Variants in ACTR3C observed in about 807,000 individuals in gnomAD.
The protein encoded by ACTR3C is actin related protein 3C.
In ACTR3C, 18 loss-of-function variants were observed where a neutral mutation model predicts 26.3. That is an observed-to-expected ratio of 0.68 (90% confidence interval 0.47 to 1.01). The LOEUF (loss-of-function observed/expected upper bound fraction) is 1.01, where lower values mean the gene tolerates loss of function less well. Ranked by LOEUF, ACTR3C falls within the 50% of genes least tolerant of loss-of-function variation. ACTR3C has a pLI of 0.00. For synonymous variants in ACTR3C, 55 were observed against 94.5 expected (o/e 0.58, Z 2.42); for missense variants, 184 against 250.7 (o/e 0.73, Z 1.80).
chr7:149,956,494 A>G, the ACTR3C span, among the ~76,000 whole-genome samples: 6 of 152,236 alleles, frequency 3.9e-5, no homozygotes, highest in African/African-American at 1.2e-4. Flanking sequence ...AGTGGCATGA[A>G]CTATACTATA....
At chr7:150,048,300 T>G in the ACTR3C span, among the ~76,000 whole-genome samples, 410 of 142,554 alleles carry the variant, frequency 2.9e-3, 3 homozygotes, top group African/African-American at 0.01. Flanking sequence ...CCCAGGCCCC[T>G]CGCGCAGCTC....
At chr7:149,989,520 A>G in the ACTR3C span, among the ~76,000 whole-genome samples, 1 of 152,342 alleles carries the variant, frequency 6.6e-6, no homozygotes, top group Admixed American at 6.5e-5. Context: ...CACAAGTGAC[A>G]TAATGTGGTA....
chr7:150,204,629 A>C, the ACTR3C span, among the ~76,000 whole-genome samples: 2 of 152,206 alleles, frequency 1.3e-5, no homozygotes, highest in Non-Finnish European at 2.9e-5. Context: ...CCTTTCTCTC[A>C]TCTCTCCTCC....
chr7:150,076,398 T>A, the ACTR3C span, among the ~76,000 whole-genome samples: 3 of 152,228 alleles, frequency 2.0e-5, no homozygotes, highest in African/African-American at 4.8e-5. Flanking sequence ...ATATATCTAC[T>A]GATCAGATTA....
the ACTR3C span, among the ~76,000 whole-genome samples, chr7:150,012,312 T>G: frequency 0.99 from 143,357 of 145,414 alleles, 70,701 homozygotes; most frequent in East Asian, 1. Flanking sequence ...GTTTTATAAA[T>G]GCATCTTTTT....
At chr7:150,215,839 T>C in the ACTR3C span, among the ~76,000 whole-genome samples, 7 of 152,116 alleles carry the variant, frequency 4.6e-5, no homozygotes, top group African/African-American at 9.7e-5. Flanking sequence ...ATCTGTTATA[T>C]TGATCCTAAT....
At chr7:149,946,039 T>TG in the ACTR3C span, among the ~76,000 whole-genome samples, 5 of 152,154 alleles carry the variant, frequency 3.3e-5, no homozygotes, top group South Asian at 6.2e-4. Flanking sequence ...GAGTGAATCA[T>TG]GGGGGGGAAA....
At chr7:149,905,497 TAAAAGA>T in the ACTR3C span, among the ~76,000 whole-genome samples, 1 of 149,392 alleles carries the variant, frequency 6.7e-6, no homozygotes, top group Non-Finnish European at 1.5e-5. Flanking sequence ...AAACAAATTA[TAAAAGA>T]AAAAGACTGA....
the ACTR3C span, among the ~76,000 whole-genome samples, chr7:150,038,580 G>T: frequency 7.6e-5 from 11 of 145,522 alleles, 1 homozygote; most frequent in East Asian, 9.7e-4. Flanking sequence ...CTGCCCTTAA[G>T]CTCCGGTAGA....
chr7:149,892,802 A>T, the ACTR3C span, among the ~76,000 whole-genome samples: 3 of 143,132 alleles, frequency 2.1e-5, no homozygotes, highest in African/African-American at 7.5e-5. Flanking sequence ...CTGAAAAATA[A>T]TGTCTATAAT....
chr7:150,134,697 C>T, the ACTR3C span, among the ~76,000 whole-genome samples: 1 of 152,294 alleles, frequency 6.6e-6, no homozygotes, highest in Admixed American at 6.5e-5. Context: ...ATTCCACCCT[C>T]TCCTTCATCT....
the ACTR3C span, among the ~76,000 whole-genome samples, chr7:149,883,815 C>CA: frequency 1.3e-5 from 2 of 152,204 alleles, no homozygotes; most frequent in Admixed American, 6.5e-5. Flanking sequence ...CATGAGGTGC[C>CA]AGGCACTGCT....
the ACTR3C span, among the ~76,000 whole-genome samples, chr7:150,085,837 C>T: frequency 6.6e-6 from 1 of 152,056 alleles, no homozygotes; most frequent in South Asian, 2.1e-4. Context: ...GGATTGCTGC[C>T]TCATTATCCA....
At chr7:150,224,934 T>C in the ACTR3C span, among the ~76,000 whole-genome samples, 2 of 152,052 alleles carry the variant, frequency 1.3e-5, no homozygotes, top group African/African-American at 4.8e-5. Context: ...TTATTTTTGC[T>C]CACATTATGC....
chr7:150,134,799 G>C, the ACTR3C span, among the ~76,000 whole-genome samples: 1 of 152,164 alleles, frequency 6.6e-6, no homozygotes, highest in Non-Finnish European at 1.5e-5. Context: ...CAACCTCAAG[G>C]GTCTGAAAAC....
chr7:150,000,152 TAG>T, the ACTR3C span, among the ~76,000 whole-genome samples: 7 of 152,148 alleles, frequency 4.6e-5, no homozygotes, highest in Non-Finnish European at 8.8e-5. Flanking sequence ...TGTTGTAATA[TAG>T]AGATTTTCTT....
chr7:150,027,217 G>A, the ACTR3C span, among the ~76,000 whole-genome samples: 3 of 152,210 alleles, frequency 2.0e-5, no homozygotes, highest in East Asian at 3.9e-4. Context: ...CACAGTGAAC[G>A]GCACAGTCCA....
the ACTR3C span, among the ~76,000 whole-genome samples, chr7:150,227,518 A>AT: frequency 7.3e-5 from 11 of 151,080 alleles, no homozygotes; most frequent in Non-Finnish European, 1.0e-4. Context: ...CAACGTATGA[A>AT]TTTTTTCTTT....
At chr7:150,084,649 T>A in the ACTR3C span, among the ~76,000 whole-genome samples, 1 of 152,096 alleles carries the variant, frequency 6.6e-6, no homozygotes, top group Non-Finnish European at 1.5e-5. Context: ...GGCCAGAGCA[T>A]GGAGTGTGCA....
Sources: gnomAD v4.1 joint callset for allele counts (sites outside exome capture counted in the v4.1 genomes callset) on GRCh38, gnomAD v4.1.1 for gene constraint, MANE v1.5 for transcripts, NCBI Gene and HGNC (gene_info 2026-07-23, HGNC 2026-07-21) for gene names.